CSMD1: variants seen among roughly 807,000 people sequenced by gnomAD.
The protein encoded by CSMD1 is CUB and sushi domain-containing protein 1.
A neutral mutation model predicts 417.5 loss-of-function variants in CSMD1; 213 were observed. The observed-to-expected ratio is 0.51, with a 90% CI of 0.46 to 0.57. The LOEUF is 0.57. CSMD1 is among the 20% of genes least tolerant of loss of function. CSMD1 has a pLI of 0.00. For missense variants in CSMD1, 6,923 were observed against 4,529.7 expected (o/e 1.53, Z -15.17); for synonymous variants, 2,862 against 1,736.8 (o/e 1.65, Z -16.11).
chr8:3,875,177 G>T (rs544401763), intron 5 of CSMD1, among the ~76,000 whole-genome samples: 2 of 152,102 alleles, frequency 1.3e-5, no homozygotes, highest in African/African-American at 4.8e-5. Context: ...GGACTGTAGC[G>T]CAGTGGGGAA....
chr8:4,654,016 C>T (rs944479451), intron 1 of CSMD1, among the ~76,000 whole-genome samples: 85 of 152,050 alleles, frequency 5.6e-4, no homozygotes, highest in Non-Finnish European at 2.9e-5. Context: ...TGGTTGTAAA[C>T]CTGAATTGAC....
chr8:4,965,569 T>G (rs951741071), intron 1 of CSMD1, among the ~76,000 whole-genome samples: 8 of 152,246 alleles, frequency 5.3e-5, no homozygotes, highest in Admixed American at 2.6e-4. Context: ...ACCAGTTTTC[T>G]GTTTACTTCT....
intron 3 of CSMD1, among the ~76,000 whole-genome samples, chr8:4,357,512 G>C (rs1328153260): frequency 1.3e-5 from 2 of 151,838 alleles, no homozygotes; most frequent in Admixed American, 6.6e-5. Flanking sequence ...CAGTTCCTCT[G>C]CACTACCATC....
intron 5 of CSMD1, among the ~76,000 whole-genome samples, chr8:3,924,557 T>C (rs1050079668): frequency 1.3e-5 from 2 of 152,194 alleles, no homozygotes; most frequent in African/African-American, 2.4e-5. Context: ...GAAAATTGTG[T>C]ATCAGTTTTG....
chr8:4,073,724 G>C (rs1171103759), intron 3 of CSMD1, among the ~76,000 whole-genome samples: 1 of 152,034 alleles, frequency 6.6e-6, no homozygotes, highest in African/African-American at 2.4e-5. Flanking sequence ...GACTTGTATA[G>C]ACACCAGCTG....
Position 4,256,324 on chromosome 8 carries a change from C to T in CSMD1, c.415+163629G>A, listed in dbSNP as rs777634295. On this transcript the variant is annotated intron_variant, in intron 3 of 69. Coordinates refer to ENST00000635120, the MANE Select transcript of CSMD1 (RefSeq NM_033225.6). Reference sequence around the variant, plus strand: ...ATGTACAACAATTTTGCAGAAAGACCAGCTCTGAATTTCTAGCTCCTACTT... The same window carrying T: ...ATGTACAACAATTTTGCAGAAAGACTAGCTCTGAATTTCTAGCTCCTACTT... Among the ~76,000 whole-genome samples, 10 of 152,276 alleles carry T rather than the reference C, an allele frequency of 6.6e-5. No individual in the cohort carries two copies. The South Asian group carries it at 1.2e-3, about 19-fold the overall frequency.
At chr8:4,269,610 AT>A (rs1404013708) in intron 3 of CSMD1, among the ~76,000 whole-genome samples, 1 of 152,004 alleles carries the variant, frequency 6.6e-6, no homozygotes, top group African/African-American at 2.4e-5. Context: ...GTTTAACCTC[AT>A]TTTTTATACG....
chr8:3,937,974 T>A (rs1453618035), intron 5 of CSMD1, among the ~76,000 whole-genome samples: 1 of 152,188 alleles, frequency 6.6e-6, no homozygotes, highest in Non-Finnish European at 1.5e-5. Context: ...CATATTAAGT[T>A]ATATCACATG....
chr8:4,145,785 A>G (rs971100886), intron 3 of CSMD1, among the ~76,000 whole-genome samples: 1 of 151,092 alleles, frequency 6.6e-6, no homozygotes, highest in African/African-American at 2.5e-5. Context: ...AGCTCGCACC[A>G]TGAAGAGTTT....
chr8:4,004,195 T>G (rs947643887), intron 4 of CSMD1, among the ~76,000 whole-genome samples: 2 of 152,096 alleles, frequency 1.3e-5, no homozygotes, highest in Non-Finnish European at 1.5e-5. Context: ...GTAATATAAT[T>G]GTTATGAGGG....
intron 6 of CSMD1, among the ~76,000 whole-genome samples, chr8:3,750,990 C>T (rs933192406): frequency 2.0e-5 from 3 of 152,090 alleles, no homozygotes; most frequent in Non-Finnish European, 2.9e-5. Flanking sequence ...TGTCATCTTC[C>T]TCTCTCTGGT....
At chr8:3,803,492 C>G (rs1800569235) in intron 5 of CSMD1, among the ~76,000 whole-genome samples, 1 of 152,118 alleles carries the variant, frequency 6.6e-6, no homozygotes, top group Non-Finnish European at 1.5e-5. Flanking sequence ...GGCTGAATAA[C>G]AAGAAGAGCC....
At chr8:4,789,486 T>A (rs778415853) in intron 1 of CSMD1, among the ~76,000 whole-genome samples, 1 of 152,188 alleles carries the variant, frequency 6.6e-6, no homozygotes, top group African/African-American at 2.4e-5. Context: ...CTGGTTTACA[T>A]TGGATAAATG....
At chr8:3,514,591 G>T (rs559810396) in intron 10 of CSMD1, among the ~76,000 whole-genome samples, 1 of 152,166 alleles carries the variant, frequency 6.6e-6, no homozygotes, top group East Asian at 1.9e-4. Context: ...CTATATTTAA[G>T]TGTATTTGTT....
chr8:3,646,672 C>T (rs1382545435), intron 7 of CSMD1, among the ~76,000 whole-genome samples: 1 of 152,184 alleles, frequency 6.6e-6, no homozygotes, highest in African/African-American at 2.4e-5. Context: ...CCAAGACTTG[C>T]ATTGTTTCAC....
chr8:3,652,541 G>C (rs150678669), intron 7 of CSMD1, among the ~76,000 whole-genome samples: 2 of 152,204 alleles, frequency 1.3e-5, no homozygotes, highest in Non-Finnish European at 2.9e-5. Flanking sequence ...GGCTGGGGAG[G>C]CCTCACAATC....
intron 1 of CSMD1, among the ~76,000 whole-genome samples, chr8:4,924,073 G>T (rs1194923569): frequency 6.6e-6 from 1 of 152,140 alleles, no homozygotes; most frequent in Non-Finnish European, 1.5e-5. Flanking sequence ...GAAAAGTGAT[G>T]AACAAGACAA....
At chr8:3,465,163 G>T (rs1176064805) in intron 12 of CSMD1, among the ~76,000 whole-genome samples, 2 of 152,140 alleles carry the variant, frequency 1.3e-5, no homozygotes, top group African/African-American at 2.4e-5. Context: ...AGGGATCCCT[G>T]TTGTTTTTCA....
At chr8:4,137,094 T>C (rs1280033192) in intron 3 of CSMD1, among the ~76,000 whole-genome samples, 4 of 152,202 alleles carry the variant, frequency 2.6e-5, no homozygotes, top group African/African-American at 7.2e-5. Flanking sequence ...TGTCTGCTTA[T>C]TTTGGGAGAA....
Sources: allele counts gnomAD v4.1 joint callset (sites outside exome capture counted in the v4.1 genomes callset), GRCh38; gene constraint gnomAD v4.1.1; transcripts MANE v1.5; gene names NCBI Gene and HGNC (gene_info 2026-07-23, HGNC 2026-07-21).